SLC5A4: variants seen among roughly 807,000 people sequenced by gnomAD.
The protein encoded by SLC5A4 is solute carrier family 5 member 4.
In SLC5A4, 55 loss-of-function variants were observed where a neutral mutation model predicts 70.3. The observed-to-expected ratio is 0.78, with a 90% CI of 0.63 to 0.98. The LOEUF (loss-of-function observed/expected upper bound fraction) is 0.98, where lower values mean the gene tolerates loss of function less well. Ranked by LOEUF, SLC5A4 falls within the 50% of genes least tolerant of loss-of-function variation. SLC5A4 has a pLI of 0.00. For missense variants in SLC5A4, 735 were observed against 839.2 expected, an observed-to-expected ratio of 0.88 and a Z score of 1.53; for synonymous variants, 268 against 305.7, an observed-to-expected ratio of 0.88 and a Z score of 1.29.
the SLC5A4 span, chr22:32,355,027 C>G: frequency 6.6e-6 from 1 of 152,168 alleles, no homozygotes; most frequent in Non-Finnish European, 1.5e-5. Context: ...CAGTACTAAC[C>G]AGCTACACAA....
At chr22:32,327,326 G>C in the SLC5A4 span, 1 of 152,290 alleles carries the variant, frequency 6.6e-6, no homozygotes, top group African/African-American at 2.4e-5. Context: ...TCCAGGCTGG[G>C]GCCAAGATGG....
intron 6 of SLC5A4, among the ~76,000 whole-genome samples, chr22:32,238,720 C>T (rs1421421851): frequency 6.6e-6 from 1 of 152,192 alleles, no homozygotes; most frequent in East Asian, 1.9e-4. Context: ...AATCTGGTTA[C>T]CAAACATATA....
At chr22:32,312,767 A>C in the SLC5A4 span, among the ~76,000 whole-genome samples, 2 of 152,062 alleles carry the variant, frequency 1.3e-5, no homozygotes, top group African/African-American at 4.8e-5. Context: ...CGGAGGCTGC[A>C]CTGGGTATTT....
chr22:32,242,189 T>C (rs1926571419), intron 5 of SLC5A4, among the ~76,000 whole-genome samples: 1 of 152,172 alleles, frequency 6.6e-6, no homozygotes, highest in South Asian at 2.1e-4. Flanking sequence ...ATAAGCACAC[T>C]TAGCACGCAG....
At chr22:32,330,355 T>A in the SLC5A4 span, among the ~76,000 whole-genome samples, 1 of 43,126 alleles carries the variant, frequency 2.3e-5, no homozygotes, top group Non-Finnish European at 3.8e-5. Flanking sequence ...TGTTGGGGGC[T>A]CTGTGTTGGG....
chr22:32,316,177 C>G, the SLC5A4 span, among the ~76,000 whole-genome samples: 1 of 150,654 alleles, frequency 6.6e-6, no homozygotes, highest in African/African-American at 2.4e-5. Flanking sequence ...GATGGTTGCA[C>G]TACAGTGAGA....
the SLC5A4 span, among the ~76,000 whole-genome samples, chr22:32,265,050 T>G: frequency 1.3e-5 from 2 of 152,264 alleles, no homozygotes; most frequent in African/African-American, 2.4e-5. Context: ...CACTTATTGA[T>G]GTACTACAAC....
intron 5 of SLC5A4, among the ~76,000 whole-genome samples, chr22:32,242,832 T>G (rs1461128779): frequency 6.6e-6 from 1 of 152,238 alleles, no homozygotes; most frequent in African/African-American, 2.4e-5. Flanking sequence ...CTCAGTAGCC[T>G]GCTGAATGCT....
the SLC5A4 span, among the ~76,000 whole-genome samples, chr22:32,299,206 TGCTAGATTG>T: frequency 0.14 from 18,166 of 126,322 alleles, 1,482 homozygotes; most frequent in East Asian, 0.32. Context: ...TGGCCTGCCT[TGCTAGATTG>T]GGGAAGTTCT....
chr22:32,302,880 A>T, the SLC5A4 span, among the ~76,000 whole-genome samples: 1 of 152,232 alleles, frequency 6.6e-6, no homozygotes, highest in Non-Finnish European at 1.5e-5. Context: ...GGATTTTGGC[A>T]GGAATTGGAG....
the SLC5A4 span, among the ~76,000 whole-genome samples, chr22:32,310,077 G>T: frequency 6.9e-6 from 1 of 145,930 alleles, no homozygotes. Flanking sequence ...GGGAGGACGG[G>T]GGATGGGGGG....
At chr22:32,316,440 T>TTCA in the SLC5A4 span, among the ~76,000 whole-genome samples, 2 of 152,130 alleles carry the variant, frequency 1.3e-5, no homozygotes, top group Non-Finnish European at 2.9e-5. Flanking sequence ...CAGTAATGAA[T>TTCA]GTTCATGTAC....
the SLC5A4 span, among the ~76,000 whole-genome samples, chr22:32,335,102 G>T: frequency 0.016 from 2,389 of 152,282 alleles, 62 homozygotes; most frequent in African/African-American, 0.055. Context: ...GCCAGCCTAG[G>T]GTAGGTGGTC....
At chr22:32,307,826 C>G in the SLC5A4 span, among the ~76,000 whole-genome samples, 1 of 152,208 alleles carries the variant, frequency 6.6e-6, no homozygotes, top group Non-Finnish European at 1.5e-5. Context: ...GGGCGTCATC[C>G]AGGCATGGCC....
At chr22:32,281,968 C>T in the SLC5A4 span, among the ~76,000 whole-genome samples, 5 of 152,122 alleles carry the variant, frequency 3.3e-5, no homozygotes. Context: ...CTCAGCCTCC[C>T]GAGTAGCTGG....
the SLC5A4 span, chr22:32,271,940 C>CCA: frequency 0.081 from 46,817 of 581,398 alleles, 3,997 homozygotes; most frequent in African/African-American, 0.29. Flanking sequence ...CACCTGCATC[C>CCA]CACATGACTG....
the SLC5A4 span, among the ~76,000 whole-genome samples, chr22:32,320,465 C>T: frequency 1.3e-5 from 2 of 152,214 alleles, no homozygotes; most frequent in African/African-American, 4.8e-5. Context: ...AAGTCTCCAT[C>T]AGCAGGATGC....
At chr22:32,333,184 TCTA>T in the SLC5A4 span, among the ~76,000 whole-genome samples, 49 of 140,664 alleles carry the variant, frequency 3.5e-4, no homozygotes, top group African/African-American at 1.4e-3. Flanking sequence ...AGGACTCTGC[TCTA>T]GCACTGGCAC....
At chr22:32,326,227 C>T in the SLC5A4 span, among the ~76,000 whole-genome samples, 1 of 151,678 alleles carries the variant, frequency 6.6e-6, no homozygotes, top group South Asian at 2.1e-4. Flanking sequence ...ATAGTTGGCG[C>T]TGACTGTATG....
Sources: allele counts gnomAD v4.1 joint callset (sites outside exome capture counted in the v4.1 genomes callset), GRCh38; gene constraint gnomAD v4.1.1; transcripts MANE v1.5; gene names NCBI Gene and HGNC (gene_info 2026-07-23, HGNC 2026-07-21).